The following SAMMSON variants were observed in gnomAD, a reference collection of about 807,000 sequenced individuals.
The protein encoded by SAMMSON is survival associated mitochondrial melanoma specific oncogenic non-coding RNA, also known as long intergenic non-protein coding RNA 1212.
At position 70,203,407 on chromosome 3, in the gene SAMMSON, C is replaced by G. The variant is rs143219192; in HGVS notation, n.508-45700C>G. On this transcript the variant is annotated intron_variant and non_coding_transcript_variant, in intron 4 of 9. Transcript: ENST00000642114. ...ATAAAGAGTGATTGAATGCCTTTCT[C>G]TAGCTGGGGTATCATCCCTGATGTT... is the stretch of plus-strand genomic sequence containing the variant. 1.7e-3 allele frequency among the ~76,000 whole-genome samples: 265 copies of G among 152,224 alleles called. 1 individual carries two copies. Among genetic ancestry groups the G allele is most frequent in the African/African-American group, 6.2e-3 (256 of 41,566 alleles).
At chr3:70,097,803 C>T (rs986679741) in intron 4 of SAMMSON, among the ~76,000 whole-genome samples, 8 of 152,088 alleles carry the variant, frequency 5.3e-5, no homozygotes, top group Non-Finnish European at 8.8e-5. Context: ...ATCTCAAAAC[C>T]CAGAACCGGG....
intron 4 of SAMMSON, chr3:70,127,245 C>A (rs973464652): frequency 9.2e-5 from 14 of 152,232 alleles, no homozygotes; most frequent in Middle Eastern, 3.4e-3. Context: ...AAAATGTTTA[C>A]ATCCATACTT....
At chr3:70,430,504 T>A (rs1701405297) in intron 2 of SAMMSON, among the ~76,000 whole-genome samples, 1 of 152,074 alleles carries the variant, frequency 6.6e-6, no homozygotes, top group Non-Finnish European at 1.5e-5. Flanking sequence ...AAAGGTTTCT[T>A]TGAAAAAGAG....
intron 1 of SAMMSON, among the ~76,000 whole-genome samples, chr3:70,008,197 C>A (rs1379235005): frequency 1.3e-5 from 2 of 152,096 alleles, no homozygotes; most frequent in African/African-American, 4.8e-5. Context: ...TCATCGGTAG[C>A]TTGATGGGGA....
intron 6 of SAMMSON, among the ~76,000 whole-genome samples, chr3:70,276,270 A>G (rs977842819): frequency 6.6e-6 from 1 of 152,278 alleles, no homozygotes; most frequent in East Asian, 1.9e-4. Context: ...TAAAAGCATA[A>G]ATATTATTCT....
In SAMMSON at chr3:70,289,189, G is replaced by A. The variant is rs536663711; in HGVS notation, n.675-1990G>A. On this transcript the variant is annotated intron_variant and non_coding_transcript_variant, in intron 6 of 9. Coordinates refer to ENST00000642114, the Ensembl canonical transcript of SAMMSON. The stretch of plus-strand genomic sequence containing the variant: ...TTACATTTTGGCATGATTTTGCAGC[G>A]GCTGGTACCGGTTGTTCCTTTCCAT... Among the ~76,000 whole-genome samples, 713 of 148,822 alleles carry A rather than the reference G, an allele frequency of 4.8e-3. 5 individuals carry two copies. Among genetic ancestry groups the A allele is most frequent in the Admixed American group, 7.6e-3 (113 of 14,954 alleles).
intron 3 of SAMMSON, among the ~76,000 whole-genome samples, chr3:70,062,130 T>C (rs1368939961): frequency 6.6e-6 from 1 of 152,062 alleles, no homozygotes; most frequent in African/African-American, 2.4e-5. Flanking sequence ...TGTGCCACTG[T>C]TTCCTCTGCC....
At chr3:70,321,347 G>T (rs1055977909) in intron 7 of SAMMSON, among the ~76,000 whole-genome samples, 3 of 152,024 alleles carry the variant, frequency 2.0e-5, no homozygotes, top group Non-Finnish European at 2.9e-5. Flanking sequence ...GAATTATACA[G>T]TATGTATTCT....
At chr3:70,004,364 ATTAGT>A (rs2066918058) in intron 1 of SAMMSON, among the ~76,000 whole-genome samples, 1 of 152,176 alleles carries the variant, frequency 6.6e-6, no homozygotes, top group African/African-American at 2.4e-5. Flanking sequence ...GATAAAGCCT[ATTAGT>A]TCAGAAGGAT....
At chr3:70,291,986 C>G (rs988295490) in intron 7 of SAMMSON, 33 of 152,302 alleles carry the variant, frequency 2.2e-4, no homozygotes, top group African/African-American at 7.2e-4. Flanking sequence ...TTAAGCATTT[C>G]TATCATATAC....
intron 3 of SAMMSON, among the ~76,000 whole-genome samples, chr3:70,050,493 A>G (rs1324385134): frequency 1.3e-5 from 2 of 152,148 alleles, no homozygotes; most frequent in African/African-American, 4.8e-5. Flanking sequence ...CTGAGAACCT[A>G]TCAGAAAGAA....
chr3:70,434,341 AT>A (rs1701441214), intron 2 of SAMMSON, among the ~76,000 whole-genome samples: 1 of 152,182 alleles, frequency 6.6e-6, no homozygotes, highest in African/African-American at 2.4e-5. Flanking sequence ...GAGATCTTAA[AT>A]ATACTTGTTA....
chr3:70,357,722 AAAG>A (rs1234292926), intron 8 of SAMMSON, among the ~76,000 whole-genome samples: 1 of 152,194 alleles, frequency 6.6e-6, no homozygotes, highest in Non-Finnish European at 1.5e-5. Context: ...AATTTTAAAA[AAAG>A]AAACATTTAA....
At chr3:70,169,653 T>TG (rs953116808) in intron 4 of SAMMSON, among the ~76,000 whole-genome samples, 7 of 150,684 alleles carry the variant, frequency 4.6e-5, no homozygotes, top group African/African-American at 1.5e-4. Context: ...TTCTTTTTTT[T>TG]TTTTTCCTTC....
intron 7 of SAMMSON, among the ~76,000 whole-genome samples, chr3:70,293,791 A>G (rs1379294600): frequency 6.6e-6 from 1 of 152,062 alleles, no homozygotes; most frequent in Admixed American, 6.6e-5. Context: ...ACCTTACTGA[A>G]AGGAAAGAAA....
At chr3:70,340,745 G>A (rs1314551053) in intron 7 of SAMMSON, among the ~76,000 whole-genome samples, 3 of 152,058 alleles carry the variant, frequency 2.0e-5, no homozygotes, top group African/African-American at 7.2e-5. Flanking sequence ...CACTGGGAGA[G>A]GACTCTTGGA....
In SAMMSON at chr3:70,415,038, G is replaced by T. The variant is rs555436881; in HGVS notation, n.234-47522G>T. Among the ~76,000 whole-genome samples the T allele has an allele frequency of 5.9e-5, 9 of 152,014 alleles. No homozygotes were observed. In the South Asian group the frequency reaches 1.7e-3, roughly 28 times the overall value. ...CTGAAAAGAATTGGAAAGAGGGAGA[G>T]AAACTATAGCAATTACTGTCAACTG... is the stretch of plus-strand genomic sequence containing the variant. On this transcript the variant is annotated intron_variant and non_coding_transcript_variant, in intron 2 of 3. Transcript: ENST00000641053.
At chr3:70,122,140 A>G (rs934154053) in intron 4 of SAMMSON, among the ~76,000 whole-genome samples, 3 of 152,220 alleles carry the variant, frequency 2.0e-5, no homozygotes, top group Admixed American at 1.3e-4. Flanking sequence ...CACTAATACT[A>G]TGCAGTCTAT....
intron 7 of SAMMSON, among the ~76,000 whole-genome samples, chr3:70,305,112 A>G (rs1028447843): frequency 6.6e-6 from 1 of 152,180 alleles, no homozygotes; most frequent in Non-Finnish European, 1.5e-5. Context: ...GCCAATCTCT[A>G]TCACAACATC....
Sources: gnomAD v4.1 joint callset for allele counts (sites outside exome capture counted in the v4.1 genomes callset) on GRCh38, gnomAD v4.1.1 for gene constraint, MANE v1.5 for transcripts, NCBI Gene and HGNC (gene_info 2026-07-23, HGNC 2026-07-21) for gene names.